Variants in DCUN1D3 observed in about 807,000 individuals in gnomAD.
DCUN1D3 encodes DCN1-like protein 3.
A neutral mutation model predicts 24.8 loss-of-function variants in DCUN1D3; 6 were observed. That is an observed-to-expected ratio of 0.24 (90% CI 0.13 to 0.48). DCUN1D3 has a LOEUF of 0.48. Among genes scored for constraint, DCUN1D3 ranks in the 20% least tolerant of loss-of-function variants. DCUN1D3 has a pLI of 0.99. For synonymous variants in DCUN1D3, 120 were observed against 144.9 expected, an observed-to-expected ratio of 0.83 and a Z score of 1.24; for missense variants, 258 against 379.4, an observed-to-expected ratio of 0.68 and a Z score of 2.66.
chr16:20,894,077 G>C (rs977099453), intron 1 of DCUN1D3, among the ~76,000 whole-genome samples: 2 of 152,098 alleles, frequency 1.3e-5, no homozygotes, highest in African/African-American at 4.8e-5. Context: ...GACCAGCCTG[G>C]GCAACACAGC....
At chr16:20,872,577 G>A (rs2081794055) in intron 1 of DCUN1D3, among the ~76,000 whole-genome samples, 1 of 151,732 alleles carries the variant, frequency 6.6e-6, no homozygotes, top group African/African-American at 2.4e-5. Context: ...AGAGGAAGAG[G>A]GACAGAAAAG....
intron 1 of DCUN1D3, among the ~76,000 whole-genome samples, chr16:20,883,627 G>T (rs2081855416): frequency 6.6e-6 from 1 of 152,194 alleles, no homozygotes. Flanking sequence ...TCTGTTGAGT[G>T]AATCAATTGA....
In DCUN1D3 at chr16:20,864,174, GAGAGATAGCAAATATGAAACTATCA is replaced by G. The variant is rs1476437153; in HGVS notation, c.-105-1556_-105-1532del. Reference sequence around the variant, plus strand: ...CTTCTGCACAGCAAAAGAAACTATCGAGAGATAGCAAATATGAAACTATCAAGAGATTCCTACAGAATGGAAGAGG... The same window carrying G: ...CTTCTGCACAGCAAAAGAAACTATCGAGAGATTCCTACAGAATGGAAGAGG... On this transcript the variant is annotated intron_variant, in intron 1 of 2. Coordinates refer to ENST00000324344, the MANE Select transcript of DCUN1D3 (RefSeq NM_173475.4). Among the ~76,000 whole-genome samples, 5 of 151,898 alleles carry G rather than the reference GAGAGATAGCAAATATGAAACTATCA, an allele frequency of 3.3e-5. No individual in the cohort carries two copies. In the East Asian group the frequency reaches 9.6e-4, roughly 29 times the overall value.
rs188370076 is a variant in DCUN1D3, at chr16:20,885,592, G to A, written c.-106+14612C>T. Among the ~76,000 whole-genome samples, 51 of 150,982 alleles carry A rather than the reference G, an allele frequency of 3.4e-4. 1 individual carries two copies. Among genetic ancestry groups the A allele is most frequent in the Admixed American group, 1.3e-3 (19 of 15,178 alleles). On this transcript the variant is annotated intron_variant, in intron 1 of 2. Transcript: ENST00000324344. ...AACTACATCTGAAAGCAGCTTTTTC[G>A]GCTTCTATTGCTTAACAGAGATTTC...
In DCUN1D3 at chr16:20,860,366, C is replaced by T; in HGVS notation, c.435G>A (p.Lys145=). Residue 145 remains lysine (K), a synonymous_variant, in exon 3 of 3, where the codon AAG becomes AAA. Transcript: ENST00000324344. The surrounding 1 kb of genome is among the most constrained non-coding windows in gnomAD (Gnocchi z 4.3). ...QAATMCKFTR[K]EFFDGCKAIS... is the part of the protein sequence containing the mutation. ...TTGCTTTGCAGCCATCAAAAAACTC[C>T]TTCCTGCAACAGAAAGGAAAAGGAC... 2 of 1,609,046 alleles carry T rather than the reference C, an allele frequency of 1.2e-6. No individual in the cohort carries two copies. Among genetic ancestry groups the T allele is most frequent in the South Asian group, 1.1e-5 (1 of 90,716 alleles).
intron 1 of DCUN1D3, among the ~76,000 whole-genome samples, chr16:20,863,585 A>G (rs896069620): frequency 6.6e-6 from 1 of 152,104 alleles, no homozygotes; most frequent in Admixed American, 6.5e-5. Flanking sequence ...CTCTACGAAA[A>G]ATAGAAAAAA....
At position 20,862,328 on chromosome 16, in the gene DCUN1D3, A is replaced by G. The variant is rs2081737786; in HGVS notation, c.211T>C (p.Ser71Pro). Residue 71 changes from serine to proline, a missense_variant, in exon 2 of 3, where the codon TCC (serine) becomes CCC (proline). Transcript: ENST00000324344. ...AATEACQLPT[S>P]SGDAGRESKS... is the part of the protein sequence containing the mutation. ...GACTCCCTCCCAGCATCTCCCGAGG[A>G]CGTTGGCAGCTGGCAGGCCTCAGTG... 6.2e-7 allele frequency: 1 copy of G among 1,614,180 alleles called. No homozygotes were observed. The highest frequency in any genetic ancestry group is 8.5e-7 in the Non-Finnish European group (1 of 1,180,040).
chr16:20,865,558 G>A (rs145045969), intron 1 of DCUN1D3, among the ~76,000 whole-genome samples: 2 of 152,106 alleles, frequency 1.3e-5, no homozygotes, highest in Non-Finnish European at 2.9e-5. Context: ...CTGAAATTAC[G>A]TTGTTAATGA....
chr16:20,885,474 C>T (rs1397175382), intron 1 of DCUN1D3, among the ~76,000 whole-genome samples: 1 of 151,978 alleles, frequency 6.6e-6, no homozygotes, highest in African/African-American at 2.4e-5. Flanking sequence ...AGACCAATCC[C>T]CAACTGTAGA....
intron 1 of DCUN1D3, 108 bp from the exon 2 acceptor site, chr16:20,862,751 C>G (rs1262037335): frequency 6.3e-6 from 7 of 1,106,388 alleles, no homozygotes; most frequent in Non-Finnish European, 8.6e-6. Flanking sequence ...GAGCCAACAA[C>G]GAACCATGGG....
intron 1 of DCUN1D3, among the ~76,000 whole-genome samples, chr16:20,870,950 A>G (rs951010011): frequency 1.3e-5 from 2 of 152,200 alleles, no homozygotes; most frequent in African/African-American, 4.8e-5. Context: ...GAGAGTCTCA[A>G]GGACCACAGG....
At chr16:20,882,252 ATT>A (rs11310580) in intron 1 of DCUN1D3, among the ~76,000 whole-genome samples, 2,512 of 135,444 alleles carry the variant, frequency 0.019, 68 homozygotes, top group African/African-American at 0.061. Flanking sequence ...TAACATTGCT[ATT>A]TTTTTTTTTT....
At chr16:20,887,952 C>G (rs948864329) in intron 1 of DCUN1D3, among the ~76,000 whole-genome samples, 1 of 152,148 alleles carries the variant, frequency 6.6e-6, no homozygotes, top group African/African-American at 2.4e-5. Flanking sequence ...GGAAGATTTT[C>G]CATCTCTGGG....
rs1346466929 is a variant in DCUN1D3 at position 20,855,155 on chromosome 16, T to A, written c.*4731A>T. On this transcript the variant is annotated 3_prime_UTR_variant, in exon 3 of 3. Coordinates refer to ENST00000324344, the MANE Select transcript of DCUN1D3 (RefSeq NM_173475.4). Reference sequence around the variant, plus strand: ...CACACTGGTCACAAACCAAGAGGGATCCACAAAGGTGGAGGGTCACATGAG... The same window carrying A: ...CACACTGGTCACAAACCAAGAGGGAACCACAAAGGTGGAGGGTCACATGAG... 1 of 152,188 alleles carries A rather than the reference T, an allele frequency of 6.6e-6. No homozygotes were observed. Among genetic ancestry groups the A allele is most frequent in the South Asian group, 2.1e-4 (1 of 4,824 alleles). 9.4% of individuals were successfully genotyped at this position (152,188 alleles called of 1,614,324 possible). A position where few individuals can be genotyped will look rare whatever the true frequency, so the allele number is the denominator to read the frequency against.
In DCUN1D3 at chr16:20,855,636, T is replaced by G. The variant is rs2152515322; in HGVS notation, c.*4250A>C. ...AACCAGTGCTCAAGAATCTATTTCA[T>G]CTTTCGAAAAGGGGGAAAACCCCTG... On this transcript the variant is annotated 3_prime_UTR_variant, in exon 3 of 3. Transcript: ENST00000324344. The G allele has an allele frequency of 6.6e-6, 1 of 152,286 alleles. No individual in the cohort carries two copies. 9.4% of individuals were successfully genotyped at this position (152,286 alleles called of 1,614,324 possible). A position where few individuals can be genotyped will look rare whatever the true frequency, so the allele number is the denominator to read the frequency against.
At chr16:20,895,778 T>C (rs113289957) in intron 1 of DCUN1D3, among the ~76,000 whole-genome samples, 2 of 152,214 alleles carry the variant, frequency 1.3e-5, no homozygotes. Context: ...CCCTGGTCCA[T>C]TGTGCAAAGA....
chr16:20,862,251 C>T lies in DCUN1D3; in HGVS notation c.288G>A (p.Arg96=). 1 of 1,614,246 alleles carries T rather than the reference C, an allele frequency of 6.2e-7. No individual in the cohort carries two copies. Among genetic ancestry groups the T allele is most frequent in the Non-Finnish European group, 8.5e-7 (1 of 1,180,042 alleles). The change falls in exon 2 of 3, where the codon AGG becomes AGA. Residue 96 remains arginine (R), a synonymous_variant. Transcript: ENST00000324344. ...CATCTTCCCGCTCATCCTTGTAGCG[C>T]CTGAACAGTTCTTCCAATCTTTGCA... ...SSLQRLEELF[R]RYKDEREDAI... is the part of the protein sequence containing the mutation.
intron 1 of DCUN1D3, among the ~76,000 whole-genome samples, chr16:20,863,077 A>ATGAGTAGGT (rs2081741964): frequency 6.6e-6 from 1 of 152,224 alleles, no homozygotes. Flanking sequence ...TTTAAGTAGG[A>ATGAGTAGGT]TGAGTAGGGA....
At chr16:20,879,947 A>G (rs2081834602) in intron 1 of DCUN1D3, among the ~76,000 whole-genome samples, 1 of 152,244 alleles carries the variant, frequency 6.6e-6, no homozygotes, top group South Asian at 2.1e-4. Flanking sequence ...ACTGTAAGAG[A>G]AGTCAACCTA....
Sources: gnomAD v4.1 joint callset for allele counts (sites outside exome capture counted in the v4.1 genomes callset) on GRCh38, gnomAD v4.1.1 for gene constraint, Gnocchi (gnomAD v3.1) non-coding constraint, MANE v1.5 for transcripts, NCBI Gene and HGNC (gene_info 2026-07-23, HGNC 2026-07-21) for gene names.